The following LARGE1 variants were observed in gnomAD, a reference collection of about 807,000 sequenced individuals.
LARGE1 encodes xylosyl- and glucuronyltransferase LARGE1.
A neutral mutation model predicts 87.6 loss-of-function variants in LARGE1; 43 were observed. The observed-to-expected ratio is 0.49, with a 90% CI of 0.38 to 0.63. LARGE1 has a LOEUF of 0.63. Among genes scored for constraint, LARGE1 ranks in the 30% least tolerant of loss-of-function variants. The pLI, the probability that LARGE1 is intolerant of heterozygous loss-of-function variation, is 0.00. For synonymous variants in LARGE1, 434 were observed against 394.6 expected (o/e 1.10, Z -1.18); for missense variants, 802 against 1,000.2 (o/e 0.80, Z 2.67).
At chr22:33,434,632 A>G (rs1825085746) in intron 6 of LARGE1, among the ~76,000 whole-genome samples, 2 of 152,164 alleles carry the variant, frequency 1.3e-5, no homozygotes, top group Admixed American at 1.3e-4. Context: ...TAGGGGGTCC[A>G]TCTAAATTTC....
chr22:33,791,798 T>C (rs1036822228), intron 1 of LARGE1, among the ~76,000 whole-genome samples: 4 of 152,216 alleles, frequency 2.6e-5, no homozygotes, highest in African/African-American at 7.2e-5. Flanking sequence ...ACTAGTGCCA[T>C]TGCTACTCAT....
intron 11 of LARGE1, among the ~76,000 whole-genome samples, chr22:33,190,539 C>T (rs1923720517): frequency 6.6e-6 from 1 of 152,134 alleles, no homozygotes; most frequent in Non-Finnish European, 1.5e-5. Context: ...AATTCAAAAC[C>T]AAAGTGGTAC....
intron 5 of LARGE1, among the ~76,000 whole-genome samples, chr22:33,575,579 T>G (rs1303530495): frequency 6.6e-6 from 1 of 152,200 alleles, no homozygotes; most frequent in African/African-American, 2.4e-5. Flanking sequence ...GAAGGAAATG[T>G]TGAGAGAGCC....
At chr22:33,244,543 C>T (rs758231502) in intron 11 of LARGE1, among the ~76,000 whole-genome samples, 2 of 152,116 alleles carry the variant, frequency 1.3e-5, no homozygotes, top group African/African-American at 2.4e-5. Flanking sequence ...GGAAGGGAGT[C>T]CCTGGAAGAA....
the LARGE1 span, among the ~76,000 whole-genome samples, chr22:33,091,164 A>G: frequency 1.3e-5 from 2 of 152,158 alleles, no homozygotes; most frequent in Non-Finnish European, 2.9e-5. Context: ...TGACAATTAT[A>G]TCCAGCATCA....
the LARGE1 span, among the ~76,000 whole-genome samples, chr22:33,133,637 CAT>C: frequency 1.3e-5 from 2 of 152,202 alleles, no homozygotes; most frequent in African/African-American, 4.8e-5. Context: ...CCGCAATAAA[CAT>C]ATGTGTGCAT....
At chr22:33,777,251 T>C (rs1191810977) in intron 1 of LARGE1, among the ~76,000 whole-genome samples, 2 of 152,152 alleles carry the variant, frequency 1.3e-5, no homozygotes, top group East Asian at 3.9e-4. Flanking sequence ...GGGACAGGAC[T>C]TGAATGCTCA....
chr22:33,762,809 C>T (rs743705), intron 1 of LARGE1, among the ~76,000 whole-genome samples: 39,305 of 152,094 alleles, frequency 0.26, 5,792 homozygotes, highest in South Asian at 0.41. Context: ...AACCAATGGA[C>T]CCTAAGACCT....
At chr22:33,157,017 T>TTG in the LARGE1 span, among the ~76,000 whole-genome samples, 2 of 152,184 alleles carry the variant, frequency 1.3e-5, no homozygotes, top group Non-Finnish European at 2.9e-5. Flanking sequence ...TCTGCCGTGA[T>TTG]TGTGAGGCCT....
chr22:33,734,589 TTC>T (rs1324578813), intron 2 of LARGE1, among the ~76,000 whole-genome samples: 2 of 152,180 alleles, frequency 1.3e-5, no homozygotes, highest in African/African-American at 4.8e-5. Context: ...GCTTTTTGCT[TTC>T]TCTCTTGCTT....
chr22:33,827,606 A>G (rs779448602), intron 1 of LARGE1, among the ~76,000 whole-genome samples: 9 of 152,230 alleles, frequency 5.9e-5, no homozygotes, highest in Non-Finnish European at 1.2e-4. Flanking sequence ...CATCTGTCCC[A>G]TCGTGGCCAA....
intron 1 of LARGE1, among the ~76,000 whole-genome samples, chr22:33,791,147 T>C (rs1248667894): frequency 6.6e-6 from 1 of 152,220 alleles, no homozygotes; most frequent in African/African-American, 2.4e-5. Flanking sequence ...GAAAAGCTCA[T>C]GAGCGAGATA....
At chr22:33,199,833 C>A (rs545738791) in intron 11 of LARGE1, among the ~76,000 whole-genome samples, 1 of 143,534 alleles carries the variant, frequency 7.0e-6, no homozygotes, top group Non-Finnish European at 1.5e-5. Flanking sequence ...GTGCCTGGTA[C>A]GTGCAGACAC....
At chr22:33,519,637 T>C (rs1387591571) in intron 6 of LARGE1, among the ~76,000 whole-genome samples, 1 of 152,186 alleles carries the variant, frequency 6.6e-6, no homozygotes, top group Non-Finnish European at 1.5e-5. Flanking sequence ...CCAGCTTTCT[T>C]TGAAATCACT....
chr22:33,616,761 A>T (rs1602734435), intron 4 of LARGE1, among the ~76,000 whole-genome samples: 1 of 152,204 alleles, frequency 6.6e-6, no homozygotes, highest in African/African-American at 2.4e-5. Context: ...TGTCCAGAAC[A>T]GGCAAATCCA....
chr22:33,714,421 C>T (rs993130550), intron 2 of LARGE1, among the ~76,000 whole-genome samples: 1 of 152,152 alleles, frequency 6.6e-6, no homozygotes, highest in Non-Finnish European at 1.5e-5. Flanking sequence ...CATCTGTAAA[C>T]TGGGGGACAT....
At position 33,257,454 on chromosome 22, in the gene LARGE1, AAAAC is replaced by A. The variant is rs1391898518; in HGVS notation, c.1730+46771_1730+46774del. On this transcript the variant is annotated intron_variant, in intron 11 of 11. Transcript: ENST00000608642. ...AAAAACAAAAACAAAAACAAAAACA[AAAAC>A]AAAAAAACAAAAAAAAGGCAGGGGG... Among the ~76,000 whole-genome samples the A allele has an allele frequency of 6.4e-3, 952 of 148,476 alleles. 1 individual carries two copies. The highest frequency in any genetic ancestry group is 0.017 in the Middle Eastern group (5 of 286).
chr22:33,305,022 C>A (rs554145465), intron 11 of LARGE1, among the ~76,000 whole-genome samples: 1 of 152,272 alleles, frequency 6.6e-6, no homozygotes, highest in East Asian at 1.9e-4. Context: ...AGAATTCTCT[C>A]AATAACCTTG....
At chr22:33,302,590 A>G (rs2146135344) in intron 12 of LARGE1, among the ~76,000 whole-genome samples, 1 of 152,144 alleles carries the variant, frequency 6.6e-6, no homozygotes, top group African/African-American at 2.4e-5. Context: ...AAGTTTAAAG[A>G]CTCCTAGAAG....
Sources: gnomAD v4.1 joint callset for allele counts (sites outside exome capture counted in the v4.1 genomes callset) on GRCh38, gnomAD v4.1.1 for gene constraint, MANE v1.5 for transcripts, NCBI Gene and HGNC (gene_info 2026-07-23, HGNC 2026-07-21) for gene names.